ARHGAP15: variants seen among roughly 807,000 people sequenced by gnomAD.
The protein encoded by ARHGAP15 is rho GTPase-activating protein 15.
ARHGAP15 carries 51 observed loss-of-function variants against 63.7 expected under a neutral mutation model. That is an observed-to-expected ratio of 0.80 (90% CI 0.64 to 1.01). The LOEUF is 1.01. Ranked by LOEUF, ARHGAP15 falls within the 50% of genes least tolerant of loss-of-function variation. ARHGAP15 has a pLI of 0.00. For missense variants in ARHGAP15, 560 were observed against 564.6 expected (o/e 0.99, Z 0.08); for synonymous variants, 191 against 193.8 (o/e 0.99, Z 0.12).
intron 13 of ARHGAP15, among the ~76,000 whole-genome samples, chr2:143,710,892 C>A (rs1684550202): frequency 1.3e-5 from 2 of 152,162 alleles, no homozygotes; most frequent in Admixed American, 1.3e-4. Flanking sequence ...TTAATTAAGT[C>A]AAATAAATTC....
At chr2:143,174,034 T>C (rs944156256) in intron 2 of ARHGAP15, among the ~76,000 whole-genome samples, 1 of 152,146 alleles carries the variant, frequency 6.6e-6, no homozygotes, top group African/African-American at 2.4e-5. Context: ...GCGACTGTAC[T>C]GGTGCCCACT....
At chr2:143,629,862 T>C (rs1286604715) in intron 12 of ARHGAP15, among the ~76,000 whole-genome samples, 5 of 152,158 alleles carry the variant, frequency 3.3e-5, no homozygotes, top group African/African-American at 9.6e-5. Flanking sequence ...TTACTCCATG[T>C]TAGGCACTTA....
At chr2:143,638,575 G>A (rs1039026267) in intron 12 of ARHGAP15, among the ~76,000 whole-genome samples, 17 of 147,962 alleles carry the variant, frequency 1.1e-4, no homozygotes, top group East Asian at 6.1e-4. Context: ...TGGGTGCAGC[G>A]CACCAGCATG....
At chr2:143,491,785 T>C (rs1337209164) in intron 9 of ARHGAP15, among the ~76,000 whole-genome samples, 1 of 152,214 alleles carries the variant, frequency 6.6e-6, no homozygotes, top group African/African-American at 2.4e-5. Flanking sequence ...TTGTAATATC[T>C]TACTTTATCA....
At chr2:143,611,540 T>G (rs1574707556) in intron 11 of ARHGAP15, among the ~76,000 whole-genome samples, 1 of 152,146 alleles carries the variant, frequency 6.6e-6, no homozygotes, top group Non-Finnish European at 1.5e-5. Context: ...ACATGACAGG[T>G]GTTAAGTTAA....
At chr2:143,488,883 C>T (rs1574519385) in intron 9 of ARHGAP15, among the ~76,000 whole-genome samples, 2 of 152,110 alleles carry the variant, frequency 1.3e-5, no homozygotes, top group South Asian at 4.2e-4. Context: ...TGCTTTAAAT[C>T]AGAGTTGCCT....
chr2:143,711,969 T>C (rs1253674684), intron 13 of ARHGAP15, among the ~76,000 whole-genome samples: 1 of 152,006 alleles, frequency 6.6e-6, no homozygotes, highest in African/African-American at 2.4e-5. Flanking sequence ...ATTAGGAAAA[T>C]CACTGAAGGA....
rs145256178 is a variant in ARHGAP15 at position 143,428,780 on chromosome 2, G to GTAA, written c.475-6814_475-6812dup. 7.0e-3 allele frequency among the ~76,000 whole-genome samples: 1,073 copies of GTAA among 152,206 alleles called. 35 individuals are homozygous for GTAA. In the East Asian group the frequency reaches 0.072, roughly 10 times the overall value. On this transcript the variant is annotated intron_variant, in intron 6 of 13. Transcript: ENST00000295095. ...ATTGAGCATTACCTACATAAGGACA[G>GTAA]TAATAATAAAAATAATACCAATTTG...
intron 6 of ARHGAP15, among the ~76,000 whole-genome samples, chr2:143,347,881 CAG>C (rs1685366669): frequency 1.3e-5 from 2 of 150,070 alleles, no homozygotes; most frequent in Admixed American, 1.3e-4. Flanking sequence ...AATCCTAAGA[CAG>C]ATGTTAAATA....
At position 143,499,358 on chromosome 2, in the gene ARHGAP15, G is replaced by T. The variant is rs543463288; in HGVS notation, c.826+11863G>T. Among the ~76,000 whole-genome samples, 15 of 152,266 alleles carry T rather than the reference G, an allele frequency of 9.9e-5. No homozygotes were observed. The South Asian group carries it at 3.1e-3, about 32-fold the overall frequency. On this transcript the variant is annotated intron_variant, in intron 9 of 13. Coordinates refer to ENST00000295095, the MANE Select transcript of ARHGAP15 (RefSeq NM_018460.4). ...TTGACTGCTCAAATGGACTCAGTGC[G>T]GGAGTTTCATTGGTTTTAAATTGAT...
At chr2:143,358,808 G>T (rs1188362377) in intron 6 of ARHGAP15, among the ~76,000 whole-genome samples, 2 of 151,332 alleles carry the variant, frequency 1.3e-5, no homozygotes, top group African/African-American at 2.4e-5. Flanking sequence ...TGTGTGAATG[G>T]AGTTCATCAT....
chr2:143,158,491 A>G (rs1270355830), intron 2 of ARHGAP15, among the ~76,000 whole-genome samples: 2 of 151,950 alleles, frequency 1.3e-5, no homozygotes, highest in Non-Finnish European at 2.9e-5. Context: ...TTTATTGGTG[A>G]TGTGCATCGT....
intron 12 of ARHGAP15, among the ~76,000 whole-genome samples, chr2:143,654,291 GC>G (rs2105306318): frequency 6.6e-6 from 1 of 152,186 alleles, no homozygotes; most frequent in African/African-American, 2.4e-5. Flanking sequence ...AATGACAGGT[GC>G]CCAGTTTGCT....
chr2:143,188,733 G>T (rs572162589), intron 2 of ARHGAP15, among the ~76,000 whole-genome samples: 10 of 151,558 alleles, frequency 6.6e-5, no homozygotes, highest in Non-Finnish European at 1.3e-4. Flanking sequence ...CTATTCTCTT[G>T]CCTCAGCCTC....
chr2:143,742,479 A>G (rs1685997786), intron 13 of ARHGAP15, among the ~76,000 whole-genome samples: 1 of 152,248 alleles, frequency 6.6e-6, no homozygotes, highest in Admixed American at 6.5e-5. Context: ...AAAACACTGG[A>G]AAACCAACAA....
chr2:143,679,358 A>G (rs1682983524), intron 12 of ARHGAP15, among the ~76,000 whole-genome samples: 1 of 152,262 alleles, frequency 6.6e-6, no homozygotes, highest in African/African-American at 2.4e-5. Context: ...TTTCAAGCAC[A>G]GTGCTTCTGC....
chr2:143,709,621 T>C (rs1684487209), intron 13 of ARHGAP15, among the ~76,000 whole-genome samples: 1 of 66,792 alleles, frequency 1.5e-5, no homozygotes, highest in South Asian at 3.4e-4. Flanking sequence ...TAGAAACTGT[T>C]GAGCCCCAGA....
intron 8 of ARHGAP15, among the ~76,000 whole-genome samples, chr2:143,468,657 A>T (rs1013665338): frequency 1.6e-3 from 192 of 122,286 alleles, no homozygotes; most frequent in African/African-American, 2.8e-3. Context: ...AGAGAGAGAG[A>T]GAGAGAGTGT....
intron 6 of ARHGAP15, among the ~76,000 whole-genome samples, chr2:143,364,114 G>A (rs1347604125): frequency 6.6e-6 from 1 of 151,858 alleles, no homozygotes; most frequent in Non-Finnish European, 1.5e-5. Context: ...GAGGTACCGG[G>A]GAAGCCAAAT....
Sources: allele counts gnomAD v4.1 joint callset (sites outside exome capture counted in the v4.1 genomes callset), GRCh38; gene constraint gnomAD v4.1.1; transcripts MANE v1.5; gene names NCBI Gene and HGNC (gene_info 2026-07-23, HGNC 2026-07-21).